Variants in SOX5 observed in about 807,000 individuals in gnomAD.
SOX5 encodes transcription factor SOX-5.
In SOX5, 9 loss-of-function variants were observed where a neutral mutation model predicts 92.0. The observed-to-expected ratio is 0.10, with a 90% CI of 0.06 to 0.17. The LOEUF (loss-of-function observed/expected upper bound fraction) is 0.17, where lower values mean the gene tolerates loss of function less well. SOX5 is among the 10% of genes least tolerant of loss of function. The probability of loss-of-function intolerance (pLI) is 1.00; values close to 1 mark genes in which losing one functional copy is unlikely to be tolerated. For missense variants in SOX5, 642 were observed against 944.5 expected (o/e 0.68, Z 4.20); for synonymous variants, 344 against 336.3 (o/e 1.02, Z -0.25).
At chr12:23,605,956 T>C (rs1592507229) in intron 8 of SOX5, among the ~76,000 whole-genome samples, 1 of 152,008 alleles carries the variant, frequency 6.6e-6, no homozygotes, top group Non-Finnish European at 1.5e-5. Context: ...AATAATTACA[T>C]CTTTTCTTAC....
At position 24,476,911 on chromosome 12, in the gene SOX5, G is replaced by A. The variant is rs1402296236; in HGVS notation, c.-251+85418C>T. On this transcript the variant is annotated intron_variant, in intron 1 of 4. Coordinates refer to the SOX5 transcript ENST00000446891. ...AGCATCGTGGTTCACACCTGTAATC[G>A]AAGCACTTTGGGAGACCAAGGAGGG... Among the ~76,000 whole-genome samples, 4 of 143,298 alleles carry A rather than the reference G, an allele frequency of 2.8e-5. No homozygotes were observed. In the Admixed American group the frequency reaches 3.0e-4, roughly 11 times the overall value. The allele number at this position is 143,298 out of a possible 152,430, so 94.0% of individuals were successfully genotyped here.
At chr12:24,010,509 A>T (rs1189716242) in intron 4 of SOX5, among the ~76,000 whole-genome samples, 1 of 152,242 alleles carries the variant, frequency 6.6e-6, no homozygotes, top group African/African-American at 2.4e-5. Flanking sequence ...AATTGCACAT[A>T]CAAGAGGCTA....
rs142527854 is a variant in SOX5, at chr12:23,725,926, C to T, written c.810+8758G>A. 2.0e-4 allele frequency among the ~76,000 whole-genome samples: 30 copies of T among 152,168 alleles called. No individual in the cohort carries two copies. The East Asian group carries it at 5.8e-3, about 30-fold the overall frequency. On this transcript the variant is annotated intron_variant, in intron 6 of 14. Transcript: ENST00000451604. ...AGTATGATAAAGACTGAGAATTTTCCACTTCTAGAATACTCTCTTTGTAGA... is the reference window on the plus strand; with the variant it reads ...AGTATGATAAAGACTGAGAATTTTCTACTTCTAGAATACTCTCTTTGTAGA...
At chr12:23,997,959 G>C (rs1052914024) in intron 4 of SOX5, among the ~76,000 whole-genome samples, 1 of 151,910 alleles carries the variant, frequency 6.6e-6, no homozygotes, top group Non-Finnish European at 1.5e-5. Context: ...CTACTATGGT[G>C]GGGGGGTGCA....
intron 10 of SOX5, among the ~76,000 whole-genome samples, chr12:23,573,866 G>A (rs777356674): frequency 2.0e-5 from 3 of 151,962 alleles, no homozygotes; most frequent in Non-Finnish European, 4.4e-5. Flanking sequence ...GCAAAGAACC[G>A]AGACCACCAG....
At chr12:24,493,973 T>C (rs1947357342) in intron 1 of SOX5, among the ~76,000 whole-genome samples, 1 of 152,188 alleles carries the variant, frequency 6.6e-6, no homozygotes, top group African/African-American at 2.4e-5. Flanking sequence ...CTTGCATCAA[T>C]TGATCACTTC....
intron 4 of SOX5, among the ~76,000 whole-genome samples, chr12:24,013,922 C>G (rs766998796): frequency 2.0e-5 from 3 of 152,122 alleles, no homozygotes; most frequent in Non-Finnish European, 4.4e-5. Context: ...TACAGCTGTT[C>G]TAGATGGCTA....
intron 1 of SOX5, among the ~76,000 whole-genome samples, chr12:24,401,715 A>T (rs990812566): frequency 0.018 from 1,882 of 102,752 alleles, 27 homozygotes; most frequent in Non-Finnish European, 0.029. Context: ...CTTTAAAAAA[A>T]AAAAAAAAAA....
At chr12:23,770,048 GTTT>G (rs71059922) in intron 3 of SOX5, among the ~76,000 whole-genome samples, 3 of 106,514 alleles carry the variant, frequency 2.8e-5, no homozygotes, top group Non-Finnish European at 5.6e-5. Flanking sequence ...TGCTCCCTCT[GTTT>G]TTTTTTTTTT....
intron 4 of SOX5, among the ~76,000 whole-genome samples, chr12:23,965,995 A>G (rs10842248): frequency 0.47 from 71,982 of 151,736 alleles, 17,835 homozygotes; most frequent in African/African-American, 0.58. Context: ...TTCAACCATA[A>G]AAGTTTCTGT....
intron 2 of SOX5, among the ~76,000 whole-genome samples, chr12:24,287,275 T>C (rs111921541): frequency 0.017 from 2,650 of 152,322 alleles, 74 homozygotes; most frequent in African/African-American, 0.06. Context: ...ACATGTAACA[T>C]CAGAAAATAA....
At chr12:24,464,257 G>A (rs1159084141) in intron 1 of SOX5, among the ~76,000 whole-genome samples, 2 of 151,950 alleles carry the variant, frequency 1.3e-5, no homozygotes, top group Non-Finnish European at 2.9e-5. Context: ...GATATTCAGT[G>A]TTTTGAAATG....
At chr12:24,458,040 T>G (rs1380010243) in intron 1 of SOX5, among the ~76,000 whole-genome samples, 3 of 151,702 alleles carry the variant, frequency 2.0e-5, no homozygotes, top group African/African-American at 7.2e-5. Flanking sequence ...GTAAACTATT[T>G]TTTTTTTTAG....
Position 24,082,170 on chromosome 12 carries a change from C to T in SOX5, c.-2+131173G>A, listed in dbSNP as rs79193750. The stretch of plus-strand genomic sequence containing the variant: ...CACATTATAGCCAGCATATGCATGA[C>T]GGAGCGTACAACTCAGGACAAAGCA... On this transcript the variant is annotated intron_variant, in intron 4 of 4. Transcript: ENST00000446891. 9.8e-3 allele frequency among the ~76,000 whole-genome samples: 1,489 copies of T among 151,752 alleles called. 27 individuals are homozygous for T. The highest frequency in any genetic ancestry group is 0.034 in the African/African-American group (1,410 of 41,390).
chr12:24,472,255 G>A (rs1227971733), intron 1 of SOX5, among the ~76,000 whole-genome samples: 3 of 152,168 alleles, frequency 2.0e-5, no homozygotes, highest in African/African-American at 2.4e-5. Flanking sequence ...GCCCAATGGA[G>A]CAAAGGGAAT....
intron 13 of SOX5, among the ~76,000 whole-genome samples, chr12:23,542,373 C>G (rs552123875): frequency 9.9e-5 from 15 of 152,260 alleles, no homozygotes; most frequent in African/African-American, 3.6e-4. Context: ...ATCTGGCCAT[C>G]AGACAGTGAT....
intron 4 of SOX5, among the ~76,000 whole-genome samples, chr12:24,116,867 T>C (rs1447938456): frequency 1.3e-5 from 2 of 151,982 alleles, no homozygotes; most frequent in African/African-American, 2.4e-5. Context: ...CTGCCATCTA[T>C]AATGCGATAC....
rs182339940 is a variant in SOX5 at position 24,298,135 on chromosome 12, T to C, written c.-173-20823A>G. Among the ~76,000 whole-genome samples, 91 of 152,310 alleles carry C rather than the reference T, an allele frequency of 6.0e-4. 2 individuals are homozygous for C. Among genetic ancestry groups the C allele is most frequent in the African/African-American group, 2.1e-3 (86 of 41,566 alleles). ...TCACCCAGGCTGGAGTGCAGTGGCA[T>C]AGTCTTGGCTCATAGCAACCTCCTG... On this transcript the variant is annotated intron_variant, in intron 2 of 4. Coordinates refer to the SOX5 transcript ENST00000446891.
chr12:24,463,010 G>A (rs1943816804), intron 1 of SOX5, among the ~76,000 whole-genome samples: 1 of 152,068 alleles, frequency 6.6e-6, no homozygotes, highest in Non-Finnish European at 1.5e-5. Flanking sequence ...TTGAACCCAG[G>A]AGTTTGAGAC....
Sources: gnomAD v4.1 joint callset for allele counts (sites outside exome capture counted in the v4.1 genomes callset) on GRCh38, gnomAD v4.1.1 for gene constraint, MANE v1.5 for transcripts, NCBI Gene and HGNC (gene_info 2026-07-23, HGNC 2026-07-21) for gene names.